POMC: variants seen among roughly 807,000 people sequenced by gnomAD.
POMC encodes proopiomelanocortin, also known as pro-opiomelanocortin.
Under a neutral mutation model 18.5 loss-of-function variants are expected in POMC, and 19 were observed. The ratio of observed to expected loss-of-function variants is 1.03; its 90% CI spans 0.72 to 1.51. The LOEUF (loss-of-function observed/expected upper bound fraction) is 1.51. Among genes scored for constraint, POMC ranks in the 40% most tolerant of loss-of-function variants. POMC has a pLI of 0.00. For synonymous variants in POMC, 179 were observed against 161.9 expected (o/e 1.11, Z -0.80); for missense variants, 451 against 379.0 (o/e 1.19, Z -1.58).
chr2:25,164,574 T>A, intron 2 of POMC, 67 bp downstream of exon 2: 3 of 1,610,852 alleles, frequency 1.9e-6, no homozygotes, highest in Non-Finnish European at 1.7e-6. Flanking sequence ...CACCCTTTTC[T>A]TTTGAGCTTT....
In POMC at chr2:25,161,393, G is replaced by T; in HGVS notation, c.492C>A (p.Ala164=). ...RRPVKVYPNG[A]EDESAEAFPL... is the part of the protein sequence containing the mutation. ...GGAAGGCCTCGGCCGACTCGTCCTC[G>T]GCGCCGTTAGGGTACACCTTCACTG... is the stretch of plus-strand genomic sequence containing the variant. The change falls in exon 3 of 3, where the codon GCC becomes GCA. Residue 164 remains alanine, a synonymous_variant. Transcript: ENST00000395826. This position sits in a 1 kb window ranked among gnomAD's most constrained non-coding sequence, Gnocchi z 5.7. The T allele has an allele frequency of 6.2e-7, 1 of 1,608,772 alleles. No individual in the cohort carries two copies. Among genetic ancestry groups the T allele is most frequent in the Non-Finnish European group, 8.5e-7 (1 of 1,178,158 alleles).
Position 25,161,031 on chromosome 2 carries a change from T to A in POMC, c.*50A>T. 1.9e-6 allele frequency: 3 copies of A among 1,612,724 alleles called. No individual in the cohort carries two copies. The highest frequency in any genetic ancestry group is 2.5e-6 in the Non-Finnish European group (3 of 1,179,724). ...AGCAGGGCAGGGGAGAGCAAGGGGC[T>A]TTGGGGTCGACCTCCTGGGGGAGGG... is the stretch of plus-strand genomic sequence containing the variant. On this transcript the variant is annotated 3_prime_UTR_variant, in exon 3 of 3. Transcript: ENST00000395826. This position sits in a 1 kb window ranked among gnomAD's most constrained non-coding sequence, Gnocchi z 5.7.
intron 1 of POMC, among the ~76,000 whole-genome samples, chr2:25,165,284 T>C (rs997359650): frequency 1.3e-5 from 2 of 152,238 alleles, no homozygotes; most frequent in Non-Finnish European, 2.9e-5. Context: ...CAAGATGGTC[T>C]TTTCCCTTTT....
At position 25,164,790 on chromosome 2, in the gene POMC, G is replaced by C. The variant is rs746399347; in HGVS notation, c.-18C>G. ...CTCGGCATCTTCCAGGCAGGCTGAG[G>C]CTCTGCAGAAGCAAACAAGATTGGT... On this transcript the variant is annotated splice_region_variant and 5_prime_UTR_variant, in exon 2 of 3. Coordinates refer to ENST00000395826, the MANE Select transcript of POMC (RefSeq NM_000939.4). 2 of 1,613,140 alleles carry C rather than the reference G, an allele frequency of 1.2e-6. No homozygotes were observed. Among genetic ancestry groups the C allele is most frequent in the South Asian group, 2.2e-5 (2 of 91,032 alleles).
At chr2:25,162,362 AC>A (rs1163557972) in intron 2 of POMC, among the ~76,000 whole-genome samples, 1 of 152,200 alleles carries the variant, frequency 6.6e-6, no homozygotes, top group Non-Finnish European at 1.5e-5. Context: ...AGGCAGGAGA[AC>A]CGCTTGAACC....
At chr2:25,163,442 T>C (rs1671458708) in intron 2 of POMC, among the ~76,000 whole-genome samples, 1 of 152,200 alleles carries the variant, frequency 6.6e-6, no homozygotes, top group Non-Finnish European at 1.5e-5. Context: ...TGTTTCTATT[T>C]TATATTACAC....
Position 25,161,145 on chromosome 2 carries a change from T to C in POMC, c.740A>G (p.Gln247Arg), listed in dbSNP as rs934429785. ...YGGFMTSEKS[Q>R]TPLVTLFKNA... Reference sequence around the variant, plus strand: ...TTTGAACAGCGTCACCAGGGGCGTCTGGCTCTTCTCGGAGGTCATGAAACC... The same window carrying C: ...TTTGAACAGCGTCACCAGGGGCGTCCGGCTCTTCTCGGAGGTCATGAAACC... The change falls in exon 3 of 3, where the codon CAG becomes CGG. Residue 247 changes from glutamine to arginine, a missense_variant. Physicochemically the swap from Gln to Arg is conservative, Grantham distance 43. Coordinates refer to ENST00000395826, the MANE Select transcript of POMC (RefSeq NM_000939.4). The surrounding 1 kb of genome is among the most constrained non-coding windows in gnomAD (Gnocchi z 5.7). 6 of 1,613,624 alleles carry C rather than the reference T, an allele frequency of 3.7e-6. No homozygotes were observed. The highest frequency in any genetic ancestry group is 5.1e-6 in the Non-Finnish European group (6 of 1,179,968).
rs1471833935 is a variant in POMC, at chr2:25,161,785, C to T, written c.133-33G>A. On this transcript the variant is annotated intron_variant, in intron 2 of 2. Coordinates refer to ENST00000395826, the MANE Select transcript of POMC (RefSeq NM_000939.4). The surrounding 1 kb of genome is among the most constrained non-coding windows in gnomAD (Gnocchi z 5.7). ...AAGACGCGAGGGCATGAGGGCAGCCCGTGCCCCGCACCCCGGCCCGGCTGC... is the reference window on the plus strand; with the variant it reads ...AAGACGCGAGGGCATGAGGGCAGCCTGTGCCCCGCACCCCGGCCCGGCTGC... 10 of 1,561,002 alleles carry T rather than the reference C, an allele frequency of 6.4e-6. No individual in the cohort carries two copies. Among genetic ancestry groups the T allele is most frequent in the South Asian group, 3.5e-5 (3 of 85,206 alleles).
At position 25,161,599 on chromosome 2, in the gene POMC, CGCT is replaced by C. The variant is rs756169657; in HGVS notation, c.283_285del (p.Ser95del). ...CGCTTCTGCCCTGCGCCGCTGCTGCCGCTGCTGCTGCTGTTGCGGCGGCCGAAT... is the reference window on the plus strand; with the variant it reads ...CGCTTCTGCCCTGCGCCGCTGCTGCCGCTGCTGCTGTTGCGGCGGCCGAAT... On this transcript the variant is annotated inframe_deletion, in exon 3 of 3. Transcript: ENST00000395826. The surrounding 1 kb of genome is among the most constrained non-coding windows in gnomAD (Gnocchi z 5.7). 9.6e-6 allele frequency: 15 copies of C among 1,556,760 alleles called. No homozygotes were observed. The highest frequency in any genetic ancestry group is 1.2e-5 in the Non-Finnish European group (14 of 1,150,350).
In POMC at chr2:25,164,657, G is replaced by A. The variant is rs200370644; in HGVS notation, c.116C>T (p.Thr39Met). Reference protein sequence around the residue: ...LESSQCQDLTTESNLLECIRA... With the variant: ...LESSQCQDLTMESNLLECIRA... ...CCCACGTACCAGCAGGTTGCTTTCC[G>A]TGGTGAGGTCCTGACACTGGCTGCT... Residue 39 changes from threonine (T) to methionine (M), a missense_variant, in exon 2 of 3, where the codon ACG becomes ATG. Coordinates refer to ENST00000395826, the MANE Select transcript of POMC (RefSeq NM_000939.4). 7.7e-5 allele frequency: 125 copies of A among 1,613,998 alleles called. No individual in the cohort carries two copies. Among genetic ancestry groups the A allele is most frequent in the Non-Finnish European group, 9.8e-5 (116 of 1,179,998 alleles).
rs1038484054 is a variant in POMC, at chr2:25,168,287, C to G, written c.-21+211G>C. Among the ~76,000 whole-genome samples, 1 of 152,232 alleles carries G rather than the reference C, an allele frequency of 6.6e-6. No homozygotes were observed. Among genetic ancestry groups the G allele is most frequent in the African/African-American group, 2.4e-5 (1 of 41,470 alleles). The stretch of plus-strand genomic sequence containing the variant: ...ACAGCGCCTGCAGCTTCGCGGCCGT[C>G]CGCCCAGGGGCCGGACGTGGGCCCT... On this transcript the variant is annotated intron_variant, in intron 1 of 2. Coordinates refer to ENST00000395826, the MANE Select transcript of POMC (RefSeq NM_000939.4). The surrounding 1 kb of genome is among the most constrained non-coding windows in gnomAD (Gnocchi z 5.2).
intron 1 of POMC, among the ~76,000 whole-genome samples, chr2:25,165,968 C>T (rs888160248): frequency 6.6e-6 from 1 of 152,238 alleles, no homozygotes; most frequent in African/African-American, 2.4e-5. Context: ...GACTAAGTGT[C>T]TTGTCACTCC....
intron 1 of POMC, among the ~76,000 whole-genome samples, chr2:25,166,918 T>TG (rs1325276774): frequency 1.3e-5 from 2 of 152,240 alleles, no homozygotes; most frequent in Admixed American, 1.3e-4. Flanking sequence ...AACAAATTAT[T>TG]GGGGAAATAT....
At position 25,161,404 on chromosome 2, in the gene POMC, G is replaced by T. The variant is rs1202019620; in HGVS notation, c.481C>A (p.Pro161Thr). ...GCCGACTCGTCCTCGGCGCCGTTAG[G>T]GTACACCTTCACTGGGCGCCGCTTC... ...GKKRRPVKVY[P>T]NGAEDESAEA... Residue 161 changes from proline to threonine, a missense_variant, in exon 3 of 3, where the codon CCT becomes ACT. Physicochemically the swap from Pro to Thr is conservative, Grantham distance 38 (BLOSUM62 -1). Coordinates refer to ENST00000395826, the MANE Select transcript of POMC (RefSeq NM_000939.4). The surrounding 1 kb of genome is among the most constrained non-coding windows in gnomAD (Gnocchi z 5.7). 1.9e-6 allele frequency: 3 copies of T among 1,609,756 alleles called. No homozygotes were observed. Among genetic ancestry groups the T allele is most frequent in the Non-Finnish European group, 1.7e-6 (2 of 1,178,634 alleles).
chr2:25,161,108 G>C lies in POMC; in HGVS notation c.777C>G (p.Ile259Met). The change falls in exon 3 of 3, where the codon ATC becomes ATG. Residue 259 changes from isoleucine to methionine, a missense_variant. Coordinates refer to ENST00000395826, the MANE Select transcript of POMC (RefSeq NM_000939.4). This position sits in a 1 kb window ranked among gnomAD's most constrained non-coding sequence, Gnocchi z 5.7. ...ACTCGCCCTTCTTGTAGGCGTTCTT[G>C]ATGATGGCGTTTTTGAACAGCGTCA... ...PLVTLFKNAIIKNAYKKGE is the reference protein window; with the variant it reads ...PLVTLFKNAIMKNAYKKGE 1 of 1,614,048 alleles carries C rather than the reference G, an allele frequency of 6.2e-7. No homozygotes were observed. The highest frequency in any genetic ancestry group is 8.5e-7 in the Non-Finnish European group (1 of 1,180,010).
chr2:25,163,415 G>T (rs917104425), intron 2 of POMC, among the ~76,000 whole-genome samples: 2 of 152,188 alleles, frequency 1.3e-5, no homozygotes, highest in Non-Finnish European at 2.9e-5. Flanking sequence ...GGAACTCACA[G>T]AATCCCCTGG....
At position 25,161,205 on chromosome 2, in the gene POMC, C is replaced by T. The variant is rs1247595445; in HGVS notation, c.680G>A (p.Arg227His). ...DEGPYRMEHF[R>H]WGSPPKDKRY... ...CTTGTCCTTGGGCGGGCTGCCCCAGCGGAAGTGCTCCATCCTGTAGGGGCC... is the reference window on the plus strand; with the variant it reads ...CTTGTCCTTGGGCGGGCTGCCCCAGTGGAAGTGCTCCATCCTGTAGGGGCC... The change falls in exon 3 of 3, where the codon CGC (arginine) becomes CAC (histidine). Residue 227 changes from arginine (R) to histidine (H), a missense_variant. Arg to His is a conservative substitution (Grantham distance 29). Coordinates refer to ENST00000395826, the MANE Select transcript of POMC (RefSeq NM_000939.4). This position sits in a 1 kb window ranked among gnomAD's most constrained non-coding sequence, Gnocchi z 5.7. 1.2e-6 allele frequency: 2 copies of T among 1,613,556 alleles called. No individual in the cohort carries two copies. Among genetic ancestry groups the T allele is most frequent in the Non-Finnish European group, 1.7e-6 (2 of 1,179,974 alleles).
In POMC at chr2:25,161,345, C is replaced by A. The variant is rs755447196; in HGVS notation, c.540G>T (p.Leu180=). The A allele has an allele frequency of 1.2e-6, 2 of 1,606,116 alleles. No homozygotes were observed. Among genetic ancestry groups the A allele is most frequent in the African/African-American group, 2.7e-5 (2 of 74,770 alleles). The part of the protein sequence containing the change: ...EAFPLEFKRE[L]TGQRLREGDG... ...CTCCCTCCCGGAGTCGCTGGCCAGT[C>A]AGCTCCCTCTTGAACTCCAGGGGGA... The change falls in exon 3 of 3, where the codon CTG becomes CTT. Residue 180 remains leucine, a synonymous_variant. Coordinates refer to ENST00000395826, the MANE Select transcript of POMC (RefSeq NM_000939.4). This position sits in a 1 kb window ranked among gnomAD's most constrained non-coding sequence, Gnocchi z 5.7.
chr2:25,164,449 C>T (rs1671487080), intron 2 of POMC, among the ~76,000 whole-genome samples, 192 bp downstream of exon 2: 1 of 152,176 alleles, frequency 6.6e-6, no homozygotes, highest in South Asian at 2.1e-4. Flanking sequence ...AACCCCTCTC[C>T]CTGAAGCTGC....
Sources: gnomAD v4.1 joint callset for allele counts (sites outside exome capture counted in the v4.1 genomes callset) on GRCh38, gnomAD v4.1.1 for gene constraint, Gnocchi (gnomAD v3.1) non-coding constraint, MANE v1.5 for transcripts, NCBI Gene and HGNC (gene_info 2026-07-23, HGNC 2026-07-21) for gene names.